The following SPOCK3 variants were observed in gnomAD, a reference collection of about 807,000 sequenced individuals.
SPOCK3 encodes SPARC (osteonectin), cwcv and kazal like domains proteoglycan 3.
SPOCK3 carries 30 observed loss-of-function variants against 56.6 expected under a neutral mutation model. The observed-to-expected ratio is 0.53, with a 90% CI of 0.40 to 0.72. The LOEUF (loss-of-function observed/expected upper bound fraction) is 0.72, where lower values mean the gene tolerates loss of function less well. SPOCK3 is among the 30% of genes least tolerant of loss of function. The probability of loss-of-function intolerance (pLI) is 0.00; values close to 1 mark genes in which losing one functional copy is unlikely to be tolerated. For synonymous variants in SPOCK3, 196 were observed against 183.3 expected (o/e 1.07, Z -0.56); for missense variants, 527 against 530.0 (o/e 0.99, Z 0.06).
chr4:167,032,720 A>G (rs182800959), intron 3 of SPOCK3, among the ~76,000 whole-genome samples: 6 of 152,118 alleles, frequency 3.9e-5, no homozygotes, highest in Non-Finnish European at 1.5e-5. Flanking sequence ...ATTAATTATC[A>G]TAGAAAAAAA....
chr4:167,196,750 T>C (rs546499209), intron 2 of SPOCK3, among the ~76,000 whole-genome samples: 1 of 152,176 alleles, frequency 6.6e-6, no homozygotes, highest in East Asian at 1.9e-4. Context: ...ATTTTTTATA[T>C]TATCAGGGTC....
chr4:166,785,831 T>G (rs191133832), intron 7 of SPOCK3, among the ~76,000 whole-genome samples: 1 of 152,298 alleles, frequency 6.6e-6, no homozygotes, highest in East Asian at 1.9e-4. Context: ...GGCTAATTTA[T>G]CACTCTTCTG....
At chr4:167,121,561 G>A (rs1406399037) in intron 2 of SPOCK3, among the ~76,000 whole-genome samples, 6 of 151,910 alleles carry the variant, frequency 3.9e-5, no homozygotes, top group Non-Finnish European at 8.8e-5. Context: ...AGAGATAAGA[G>A]GAAAATATTG....
chr4:167,054,806 C>T (rs944804169), intron 3 of SPOCK3, among the ~76,000 whole-genome samples: 6 of 152,002 alleles, frequency 3.9e-5, no homozygotes, highest in South Asian at 2.1e-4. Flanking sequence ...CAGGTGTACA[C>T]GAACAATTAG....
intron 6 of SPOCK3, among the ~76,000 whole-genome samples, chr4:166,821,910 CTG>C (rs1363860177): frequency 2.6e-5 from 4 of 151,956 alleles, no homozygotes; most frequent in East Asian, 1.9e-4. Flanking sequence ...CTAAATATAA[CTG>C]TTAAAATTGC....
chr4:167,130,348 G>C (rs71620415), intron 2 of SPOCK3, among the ~76,000 whole-genome samples: 3,314 of 151,930 alleles, frequency 0.022, 76 homozygotes, highest in Middle Eastern at 0.068. Flanking sequence ...ATAAAAATTT[G>C]GAGTTTTTTT....
intron 6 of SPOCK3, among the ~76,000 whole-genome samples, chr4:166,815,726 G>A (rs1334305589): frequency 6.6e-6 from 1 of 152,054 alleles, no homozygotes; most frequent in Non-Finnish European, 1.5e-5. Context: ...CATGAGCTAT[G>A]ATGGTGCCAC....
At chr4:166,807,567 T>C (rs1560879770) in intron 6 of SPOCK3, among the ~76,000 whole-genome samples, 1 of 152,144 alleles carries the variant, frequency 6.6e-6, no homozygotes, top group Non-Finnish European at 1.5e-5. Flanking sequence ...TTCAATGATG[T>C]GAAGTCAAGA....
chr4:166,767,358 A>G (rs963614228), intron 7 of SPOCK3, among the ~76,000 whole-genome samples: 6 of 152,170 alleles, frequency 3.9e-5, no homozygotes, highest in African/African-American at 1.4e-4. Context: ...ACACTGCTTT[A>G]AATGTGTCCC....
At chr4:166,940,849 C>T (rs1740973332) in intron 4 of SPOCK3, among the ~76,000 whole-genome samples, 1 of 146,348 alleles carries the variant, frequency 6.8e-6, no homozygotes, top group Non-Finnish European at 1.5e-5. Flanking sequence ...CTCCTCTTCC[C>T]ACCTCCTTAT....
intron 7 of SPOCK3, among the ~76,000 whole-genome samples, chr4:166,779,176 T>G (rs1739898560): frequency 6.6e-6 from 1 of 152,074 alleles, no homozygotes; most frequent in Admixed American, 6.6e-5. Context: ...CAACACTCTC[T>G]GGGGAAAAAT....
rs1740759263 is a variant in SPOCK3 at position 166,786,642 on chromosome 4, A to T, written c.709+5528T>A. Reference sequence around the variant, plus strand: ...AAAGTCTAAAGACTAACTTAAATATAACAAGTAGTCAATTCTTAGATGACT... The same window carrying T: ...AAAGTCTAAAGACTAACTTAAATATTACAAGTAGTCAATTCTTAGATGACT... On this transcript the variant is annotated intron_variant, in intron 7 of 10. Transcript: ENST00000357545. Among the ~76,000 whole-genome samples, 8 of 152,338 alleles carry T rather than the reference A, an allele frequency of 5.3e-5. No homozygotes were observed. The South Asian group carries it at 1.7e-3, about 32-fold the overall frequency.
chr4:166,799,599 ATTTCAAAC>A (rs1742328788), intron 6 of SPOCK3, among the ~76,000 whole-genome samples: 1 of 152,068 alleles, frequency 6.6e-6, no homozygotes, highest in Admixed American at 6.5e-5. Flanking sequence ...TTCATCCATG[ATTTCAAAC>A]AATTTTCCAA....
chr4:167,191,117 T>C lies in SPOCK3; in HGVS notation c.189+42868A>G, dbSNP rs188948800. On this transcript the variant is annotated intron_variant, in intron 2 of 10. Coordinates refer to ENST00000357545, the MANE Select transcript of SPOCK3 (RefSeq NM_001040159.2). The stretch of plus-strand genomic sequence containing the variant: ...TATTTTGGCTATTCAGGGTCTTTTG[T>C]GGTTTCATACACAGTATAGGATTGT... Among the ~76,000 whole-genome samples the C allele has an allele frequency of 1.7e-3, 243 of 146,178 alleles. 39 individuals are homozygous for C. The highest frequency in any genetic ancestry group is 6.0e-3 in the African/African-American group (229 of 38,486).
intron 4 of SPOCK3, among the ~76,000 whole-genome samples, chr4:166,987,920 A>G (rs1206049311): frequency 6.6e-6 from 1 of 152,172 alleles, no homozygotes; most frequent in African/African-American, 2.4e-5. Flanking sequence ...ATGAATTAGA[A>G]GGAAACCAAA....
intron 4 of SPOCK3, among the ~76,000 whole-genome samples, chr4:166,914,938 TC>T (rs1026171799): frequency 2.0e-5 from 3 of 152,144 alleles, no homozygotes; most frequent in Admixed American, 6.6e-5. Flanking sequence ...ATGTTCATAT[TC>T]TTTTTTTTAT....
At position 167,234,108 on chromosome 4, in the gene SPOCK3, A is replaced by T; in HGVS notation, c.66T>A (p.Ala22=). 6.2e-7 allele frequency: 1 copy of T among 1,613,896 alleles called. No individual in the cohort carries two copies. Among genetic ancestry groups the T allele is most frequent in the Non-Finnish European group, 8.5e-7 (1 of 1,179,976 alleles). The change falls in exon 2 of 11, where the codon GCT becomes GCA. Residue 22 remains alanine, a synonymous_variant. Transcript: ENST00000357545. ...CCCCGGCTGCAGCCACCGCCGCGGC[A>T]GCTGCGAGAGACTGACTGCACCAAG... ...AAAWCSQSLA[A]AAAVAAAGGR...
At chr4:166,816,684 G>A (rs1451181887) in intron 6 of SPOCK3, among the ~76,000 whole-genome samples, 2 of 152,032 alleles carry the variant, frequency 1.3e-5, no homozygotes, top group African/African-American at 2.4e-5. Context: ...ATTCTATGCA[G>A]TCTGACAAAA....
intron 2 of SPOCK3, among the ~76,000 whole-genome samples, chr4:167,215,114 A>T (rs2111057867): frequency 6.6e-6 from 1 of 152,216 alleles, no homozygotes; most frequent in Non-Finnish European, 1.5e-5. Context: ...GAAATTAAAA[A>T]TGAATATGTG....
Sources: gnomAD v4.1 joint callset for allele counts (sites outside exome capture counted in the v4.1 genomes callset) on GRCh38, gnomAD v4.1.1 for gene constraint, MANE v1.5 for transcripts, NCBI Gene and HGNC (gene_info 2026-07-23, HGNC 2026-07-21) for gene names.